Variants in CDH3 observed in about 807,000 individuals in gnomAD.
CDH3 encodes the protein cadherin 3, also known as cadherin-3.
In CDH3, 54 loss-of-function variants were observed where a neutral mutation model predicts 82.0. The observed-to-expected ratio is 0.66, with a 90% CI of 0.53 to 0.83. CDH3 has a LOEUF of 0.83. Among genes scored for constraint, CDH3 ranks in the 40% least tolerant of loss-of-function variants. The probability of loss-of-function intolerance (pLI) is 0.00; values close to 1 mark genes in which losing one functional copy is unlikely to be tolerated. For synonymous variants in CDH3, 446 were observed against 437.9 expected (o/e 1.02, Z -0.23); for missense variants, 1,054 against 1,084.6 (o/e 0.97, Z 0.40).
intron 13 of CDH3, among the ~76,000 whole-genome samples, chr16:68,694,974 G>A (rs77224261): frequency 3.3e-5 from 5 of 152,274 alleles, no homozygotes; most frequent in East Asian, 3.9e-4. Context: ...CTGTATGAAG[G>A]TTCTTAAGGG....
intron 2 of CDH3, among the ~76,000 whole-genome samples, chr16:68,664,088 T>C (rs1252182486): frequency 6.6e-6 from 1 of 151,904 alleles, no homozygotes; most frequent in African/African-American, 2.4e-5. Flanking sequence ...AGTGTGGGCC[T>C]GGTAATTGAG....
Position 68,660,815 on chromosome 16 carries a change from C to T in CDH3, c.160+15065C>T, listed in dbSNP as rs547090115. ...CTACTAAAAAACACAAAAAATTAGC[C>T]GGGCGTAGTGGCAGGCGCCTGTAGT... On this transcript the variant is annotated intron_variant, in intron 2 of 15. Transcript: ENST00000264012. Among the ~76,000 whole-genome samples, 19 of 152,070 alleles carry T rather than the reference C, an allele frequency of 1.2e-4. 1 individual carries two copies. Among genetic ancestry groups the T allele is most frequent in the Admixed American group, 1.2e-3 (18 of 15,268 alleles).
chr16:68,656,006 T>C (rs1310293344), intron 2 of CDH3, among the ~76,000 whole-genome samples: 1 of 151,796 alleles, frequency 6.6e-6, no homozygotes, highest in African/African-American at 2.4e-5. Flanking sequence ...GGCAAGGGAG[T>C]TGGGCATGAG....
chr16:68,680,635 C>T (rs769452696), intron 7 of CDH3, among the ~76,000 whole-genome samples: 2 of 152,188 alleles, frequency 1.3e-5, no homozygotes, highest in East Asian at 1.9e-4. Context: ...GCCAAGATCA[C>T]GCCACTACAC....
chr16:68,728,913 C>T (rs1962255817), downstream of CDH3, among the ~76,000 whole-genome samples: 1 of 152,166 alleles, frequency 6.6e-6, no homozygotes, highest in Non-Finnish European at 1.5e-5. Context: ...AAATACTGAT[C>T]TGAATCAAGG....
intron 2 of CDH3, among the ~76,000 whole-genome samples, chr16:68,661,656 G>T (rs373128997): frequency 6.6e-6 from 1 of 152,160 alleles, no homozygotes; most frequent in African/African-American, 2.4e-5. Context: ...AAATTCTAGT[G>T]GGGGAGATAG....
At chr16:68,727,524 C>G (rs1251529082), downstream of CDH3, among the ~76,000 whole-genome samples, 1 of 152,116 alleles carries the variant, frequency 6.6e-6, no homozygotes, top group African/African-American at 2.4e-5. Context: ...GCCTGTAGAC[C>G]TAGCACTTTG....
intron 12 of CDH3, among the ~76,000 whole-genome samples, chr16:68,690,769 T>C (rs925215415): frequency 1.3e-5 from 2 of 151,780 alleles, no homozygotes; most frequent in African/African-American, 4.8e-5. Flanking sequence ...TAGCCAGGCA[T>C]GGTGGCGGGT....
intron 12 of CDH3, among the ~76,000 whole-genome samples, chr16:68,688,288 G>A (rs1281562210): frequency 1.3e-5 from 2 of 151,848 alleles, no homozygotes; most frequent in Non-Finnish European, 2.9e-5. Context: ...GCTGCGTTAT[G>A]GCTTTAAAAA....
chr16:68,646,566 A>G (rs997896444), intron 2 of CDH3, among the ~76,000 whole-genome samples: 1 of 150,340 alleles, frequency 6.7e-6, no homozygotes, highest in Middle Eastern at 3.4e-3. Flanking sequence ...GTTAGTGAGG[A>G]GAACCAGTGT....
chr16:68,712,457 A>G (rs1962043171), intron 1 of CDH3, among the ~76,000 whole-genome samples: 1 of 152,222 alleles, frequency 6.6e-6, no homozygotes, highest in Admixed American at 6.6e-5. Flanking sequence ...CATAATAATT[A>G]TAATAACCTT....
downstream of CDH3, among the ~76,000 whole-genome samples, chr16:68,704,378 G>A (rs559757655): frequency 3.6e-4 from 55 of 152,346 alleles, no homozygotes; most frequent in African/African-American, 1.3e-3. Flanking sequence ...TTGTGGTAGT[G>A]TAGGGACTCA....
chr16:68,655,272 G>T lies in CDH3; in HGVS notation c.160+9522G>T, dbSNP rs552760804. Among the ~76,000 whole-genome samples the T allele has an allele frequency of 3.9e-5, 6 of 152,274 alleles. 1 individual carries two copies. The South Asian group carries it at 1.2e-3, about 32-fold the overall frequency. On this transcript the variant is annotated intron_variant, in intron 2 of 15. Coordinates refer to ENST00000264012, the MANE Select transcript of CDH3 (RefSeq NM_001793.6). Reference sequence around the variant, plus strand: ...ATCCAGCTCCTCTCTTATAGAAACAGTGAAGTGTCTGAGATCCAAAGCCAA... The same window carrying T: ...ATCCAGCTCCTCTCTTATAGAAACATTGAAGTGTCTGAGATCCAAAGCCAA...
Position 68,682,362 on chromosome 16 carries a change from G to A in CDH3, c.1057G>A (p.Asp353Asn). 6.2e-7 allele frequency: 1 copy of A among 1,614,050 alleles called. No homozygotes were observed. Among genetic ancestry groups the A allele is most frequent in the Non-Finnish European group, 8.5e-7 (1 of 1,180,040 alleles). ...TGAGGTGCAGAGGCTGACGGTCACT[G>A]ATCTGGACGCCCCCAACTCACCAGC... ...GHEVQRLTVT[D>N]LDAPNSPAWR... Residue 353 changes from aspartate (D) to asparagine (N), a missense_variant, in exon 9 of 16, where the codon GAT (aspartate) becomes AAT (asparagine). Transcript: ENST00000264012.
intron 13 of CDH3, among the ~76,000 whole-genome samples, chr16:68,692,912 C>T (rs1961615312): frequency 6.6e-6 from 1 of 152,160 alleles, no homozygotes; most frequent in African/African-American, 2.4e-5. Flanking sequence ...TGAGACCACC[C>T]TGGCCAATGT....
At chr16:68,671,553 G>A (rs1960883799) in intron 2 of CDH3, among the ~76,000 whole-genome samples, 1 of 112,284 alleles carries the variant, frequency 8.9e-6, no homozygotes. Flanking sequence ...GATGGATCTT[G>A]CTCTGTTGTC....
At chr16:68,692,077 C>T in intron 13 of CDH3, 151 bp downstream of exon 13, 1 of 631,246 alleles carries the variant, frequency 1.6e-6, no homozygotes, top group Non-Finnish European at 2.8e-6. Flanking sequence ...CACTCTGTCA[C>T]CCAGGCTGGA....
intron 2 of CDH3, among the ~76,000 whole-genome samples, chr16:68,664,182 T>C (rs1459226482): frequency 6.6e-6 from 1 of 152,042 alleles, no homozygotes; most frequent in Non-Finnish European, 1.5e-5. Flanking sequence ...TGCTATTCCC[T>C]GGGGGAGAAT....
chr16:68,676,450 C>A lies in CDH3; in HGVS notation c.226C>A (p.Arg76=), dbSNP rs546610061. The change falls in exon 3 of 16, where the codon CGG becomes AGG. Residue 76 remains arginine (R), a synonymous_variant. Transcript: ENST00000264012. ...FSTDNDDFTV[R]NGETVQERRS... ...CACTGATAATGATGACTTCACTGTG[C>A]GGAATGGCGAGACAGTCCAGGTAAA... 1.9e-6 allele frequency: 3 copies of A among 1,613,176 alleles called. No homozygotes were observed. The highest frequency in any genetic ancestry group is 2.2e-5 in the East Asian group (1 of 44,882).
Sources: allele counts gnomAD v4.1 joint callset (sites outside exome capture counted in the v4.1 genomes callset), GRCh38; gene constraint gnomAD v4.1.1; transcripts MANE v1.5; gene names NCBI Gene and HGNC (gene_info 2026-07-23, HGNC 2026-07-21).